Variants in FGF13 observed in about 807,000 individuals in gnomAD.
FGF13 encodes the protein fibroblast growth factor homologous factor 2.
Under a neutral mutation model 19.5 loss-of-function variants are expected in FGF13, and 2 were observed. That is an observed-to-expected ratio of 0.10 (90% CI 0.04 to 0.32). The LOEUF is 0.32. Among genes scored for constraint, FGF13 ranks in the 10% least tolerant of loss-of-function variants. The pLI, the probability that FGF13 is intolerant of heterozygous loss-of-function variation, is 1.00. For synonymous variants in FGF13, 72 were observed against 76.9 expected (o/e 0.94, Z 0.33); for missense variants, 113 against 192.7 (o/e 0.59, Z 2.45).
At chrX:138,659,352 A>T (rs753923701) in intron 3 of FGF13, among the ~76,000 whole-genome samples, 26 of 111,861 alleles carry the variant, frequency 2.3e-4, no homozygotes, top group African/African-American at 8.1e-4. Flanking sequence ...TCAAAACCAC[A>T]ATGAGATACC....
chrX:139,147,143 G>T (rs2083897359), intron 1 of FGF13, among the ~76,000 whole-genome samples: 1 of 105,628 alleles, frequency 9.5e-6, no homozygotes, highest in East Asian at 3.0e-4. Flanking sequence ...TAAAAATAAA[G>T]AACTTACTTG....
intron 1 of FGF13, among the ~76,000 whole-genome samples, chrX:139,131,422 T>TGC (rs1470258512): frequency 3.2e-5 from 3 of 93,577 alleles, no homozygotes; most frequent in Admixed American, 1.2e-4. Context: ...TGTGTGTGTG[T>TGC]GCAAAGGATT....
chrX:139,021,541 C>A lies in FGF13; in HGVS notation c.-112-156891G>T, dbSNP rs529562601. ...AGATTTGAACTACATAATTAACAAG[C>A]TTAATCTAATTAAACCATATAGAAC... On this transcript the variant is annotated intron_variant, in intron 1 of 2. Transcript: ENST00000421460. Among the ~76,000 whole-genome samples the A allele has an allele frequency of 5.6e-4, 62 of 111,095 alleles. No individual in the cohort carries two copies. The South Asian group carries it at 0.023, about 40-fold the overall frequency.
intron 1 of FGF13, among the ~76,000 whole-genome samples, chrX:139,173,910 T>C (rs1167521005): frequency 2.7e-5 from 3 of 112,128 alleles, no homozygotes; most frequent in Non-Finnish European, 5.6e-5. Context: ...CCATTGGGTA[T>C]ATACCCAGCA....
intron 2 of FGF13, 142 bp from the exon 3 acceptor site, chrX:138,703,229 G>T: frequency 2.1e-6 from 1 of 475,171 alleles, no homozygotes; most frequent in South Asian, 3.2e-5. Flanking sequence ...ATGTAGACAT[G>T]CATACACATA....
intron 3 of FGF13, among the ~76,000 whole-genome samples, chrX:138,650,019 C>T (rs972644516): frequency 2.7e-5 from 3 of 112,243 alleles, no homozygotes; most frequent in African/African-American, 9.7e-5. Context: ...ATTCTGACAA[C>T]CATGGTGCTT....
chrX:138,935,822 T>C lies in FGF13; in HGVS notation c.-112-71172A>G, dbSNP rs948656628. ...ACCACTGCTTTGTTCTCCATCATTA[T>C]AGTTGGGTCTTTTCAAGAATGTCGT... On this transcript the variant is annotated intron_variant, in intron 1 of 2. Transcript: ENST00000421460. Among the ~76,000 whole-genome samples, 9 of 111,978 alleles carry C rather than the reference T, an allele frequency of 8.0e-5. 1 individual carries two copies. The highest frequency in any genetic ancestry group is 2.8e-4 in the Admixed American group (3 of 10,597).
chrX:138,989,093 CT>C, intron 1 of FGF13, among the ~76,000 whole-genome samples: 1 of 111,381 alleles, frequency 9.0e-6, no homozygotes, highest in African/African-American at 3.3e-5. Flanking sequence ...TTCTCTTATG[CT>C]AATGATATGT....
At chrX:139,148,206 T>C (rs1434949554) in intron 1 of FGF13, among the ~76,000 whole-genome samples, 1 of 111,015 alleles carries the variant, frequency 9.0e-6, no homozygotes, top group Non-Finnish European at 1.9e-5. Flanking sequence ...AAGTGGATGA[T>C]AACTGTTTTC....
chrX:138,912,676 T>C (rs1197715200), intron 1 of FGF13, among the ~76,000 whole-genome samples: 1 of 111,617 alleles, frequency 9.0e-6, no homozygotes, highest in Non-Finnish European at 1.9e-5. Flanking sequence ...GTTATTTGCA[T>C]TTTAGTAGGC....
intron 1 of FGF13, among the ~76,000 whole-genome samples, chrX:139,162,057 C>G (rs1480653998): frequency 8.9e-6 from 1 of 111,982 alleles, no homozygotes; most frequent in Non-Finnish European, 1.9e-5. Flanking sequence ...CTTTAAATTT[C>G]ATATAGAACC....
intron 1 of FGF13, among the ~76,000 whole-genome samples, chrX:138,922,839 T>C (rs986268036): frequency 2.7e-5 from 3 of 112,153 alleles, no homozygotes; most frequent in Admixed American, 9.5e-5. Context: ...GATGCCCCGC[T>C]TCATCTCTAG....
At chrX:139,195,316 C>G (rs1275800213) in intron 1 of FGF13, among the ~76,000 whole-genome samples, 1 of 111,721 alleles carries the variant, frequency 9.0e-6, no homozygotes, top group East Asian at 2.8e-4. Context: ...CTCTTGGAAG[C>G]CTTAATGTTC....
intron 1 of FGF13, among the ~76,000 whole-genome samples, chrX:138,719,195 G>A (rs775360598): frequency 8.9e-6 from 1 of 111,958 alleles, no homozygotes; most frequent in South Asian, 3.7e-4. Flanking sequence ...ATGTGACTAT[G>A]TTTTGGCTTG....
intron 1 of FGF13, among the ~76,000 whole-genome samples, chrX:138,946,277 G>A (rs995730381): frequency 3.6e-5 from 4 of 112,032 alleles, no homozygotes; most frequent in African/African-American, 9.7e-5. Flanking sequence ...AAAGCACTGC[G>A]CATTGAATTC....
At chrX:138,719,827 A>G (rs1454277580) in intron 1 of FGF13, among the ~76,000 whole-genome samples, 1 of 112,935 alleles carries the variant, frequency 8.9e-6, no homozygotes, top group Middle Eastern at 4.2e-3. Context: ...ACAGACTGAA[A>G]TTATTTAGTA....
chrX:138,643,827 T>A (rs1041128779), intron 3 of FGF13, among the ~76,000 whole-genome samples: 8 of 111,529 alleles, frequency 7.2e-5, no homozygotes, highest in Non-Finnish European at 1.5e-4. Flanking sequence ...ATGGCAGTGT[T>A]GATCTATGTG....
Position 139,127,566 on chromosome X carries a change from T to C in FGF13, c.-113+75850A>G, listed in dbSNP as rs148734258. Among the ~76,000 whole-genome samples, 18 of 111,595 alleles carry C rather than the reference T, an allele frequency of 1.6e-4. No homozygotes were observed. The East Asian group carries it at 5.1e-3, about 32-fold the overall frequency. Reference sequence around the variant, plus strand: ...GGCTCCAGTAATGTTTCCCAACTTTTTTCATGTATGGCACTTAGTACAGCA... The same window carrying C: ...GGCTCCAGTAATGTTTCCCAACTTTCTTCATGTATGGCACTTAGTACAGCA... On this transcript the variant is annotated intron_variant, in intron 1 of 2. Transcript: ENST00000421460.
intron 3 of FGF13, among the ~76,000 whole-genome samples, chrX:138,697,712 T>TA (rs1243566389): frequency 4.5e-5 from 5 of 110,888 alleles, no homozygotes; most frequent in East Asian, 2.8e-4. Context: ...CATTCCAAAA[T>TA]AAAAAAAATA....
Sources: gnomAD v4.1 joint callset for allele counts (sites outside exome capture counted in the v4.1 genomes callset) on GRCh38, gnomAD v4.1.1 for gene constraint, MANE v1.5 for transcripts, NCBI Gene and HGNC (gene_info 2026-07-23, HGNC 2026-07-21) for gene names.